Variants in UBXN7 observed in about 807,000 individuals in gnomAD.
The protein encoded by UBXN7 is UBX domain protein 7.
A neutral mutation model predicts 58.0 loss-of-function variants in UBXN7; 9 were observed. That is an observed-to-expected ratio of 0.16 (90% confidence interval 0.09 to 0.27). UBXN7 has a LOEUF of 0.27. UBXN7 is among the 10% of genes least tolerant of loss of function. UBXN7 has a pLI of 1.00. For missense variants in UBXN7, 328 were observed against 599.6 expected, an observed-to-expected ratio of 0.55 and a Z score of 4.73; for synonymous variants, 208 against 205.0, an observed-to-expected ratio of 1.01 and a Z score of -0.12.
intron 1 of UBXN7, among the ~76,000 whole-genome samples, chr3:196,419,075 G>A (rs1730593574): frequency 6.6e-6 from 1 of 152,120 alleles, no homozygotes; most frequent in Non-Finnish European, 1.5e-5. Context: ...AGACCAGCCT[G>A]GCCCACATGG....
intron 5 of UBXN7, among the ~76,000 whole-genome samples, chr3:196,385,817 G>C (rs12064103): frequency 1.4e-5 from 2 of 145,976 alleles, no homozygotes; most frequent in Admixed American, 6.8e-5. Context: ...GCCTCTGCCC[G>C]GCCGCCCCGT....
At chr3:196,398,534 C>T (rs1729849409) in intron 3 of UBXN7, among the ~76,000 whole-genome samples, 1 of 152,212 alleles carries the variant, frequency 6.6e-6, no homozygotes, top group African/African-American at 2.4e-5. Context: ...CATGTCACCA[C>T]TGATCTTATC....
intron 1 of UBXN7, among the ~76,000 whole-genome samples, chr3:196,427,744 AGAG>A (rs1240606310): frequency 1.3e-5 from 2 of 152,252 alleles, no homozygotes; most frequent in African/African-American, 2.4e-5. Context: ...GATAAATATC[AGAG>A]GAGATCAAAC....
Position 196,355,470 on chromosome 3 carries a change from C to T in UBXN7, c.*1215G>A, listed in dbSNP as rs1388683447. ...AAGACATCTGAAAATTACTAGTAAC[C>T]TCCGCCATCCTCCTTACTAAATGTT... is the stretch of plus-strand genomic sequence containing the variant. On this transcript the variant is annotated 3_prime_UTR_variant, in exon 11 of 11. Coordinates refer to ENST00000296328, the MANE Select transcript of UBXN7 (RefSeq NM_015562.2). 1 of 152,122 alleles carries T rather than the reference C, an allele frequency of 6.6e-6. No homozygotes were observed. Among genetic ancestry groups the T allele is most frequent in the Non-Finnish European group, 1.5e-5 (1 of 68,022 alleles). The allele number at this position is 152,122 out of a possible 1,614,324, so 9.4% of individuals were successfully genotyped here. A position where few individuals can be genotyped will look rare whatever the true frequency, so the allele number is the denominator to read the frequency against.
chr3:196,425,382 TAAAA>T (rs555731749), intron 1 of UBXN7, among the ~76,000 whole-genome samples: 2 of 141,112 alleles, frequency 1.4e-5, no homozygotes, highest in Non-Finnish European at 1.6e-5. Flanking sequence ...ACTCTTTCTT[TAAAA>T]AAAAAAAAAA....
At chr3:196,378,643 G>C (rs1286603154) in intron 5 of UBXN7, among the ~76,000 whole-genome samples, 1 of 152,192 alleles carries the variant, frequency 6.6e-6, no homozygotes, top group Non-Finnish European at 1.5e-5. Flanking sequence ...AGACGATACA[G>C]GGCAACTTCC....
chr3:196,369,813 A>G (rs551581379), intron 6 of UBXN7, among the ~76,000 whole-genome samples: 1 of 152,222 alleles, frequency 6.6e-6, no homozygotes, highest in South Asian at 2.1e-4. Context: ...ACTCTCAACC[A>G]TATACATCTT....
intron 5 of UBXN7, among the ~76,000 whole-genome samples, chr3:196,378,066 ACT>A (rs1185856532): frequency 1.3e-5 from 2 of 152,032 alleles, no homozygotes; most frequent in African/African-American, 2.4e-5. Flanking sequence ...TATTATATTC[ACT>A]GTTATTATAT....
chr3:196,389,883 AT>A (rs959170819), intron 5 of UBXN7, among the ~76,000 whole-genome samples: 50 of 152,350 alleles, frequency 3.3e-4, no homozygotes, highest in East Asian at 2.5e-3. Flanking sequence ...TTAAAAAAAA[AT>A]AATCATAACA....
intron 3 of UBXN7, among the ~76,000 whole-genome samples, chr3:196,395,304 T>C (rs1331796957): frequency 2.0e-5 from 3 of 152,128 alleles, no homozygotes; most frequent in African/African-American, 7.2e-5. Flanking sequence ...AACAAAAAAA[T>C]GCACAACATA....
At chr3:196,392,356 A>G (rs1362875496) in intron 4 of UBXN7, among the ~76,000 whole-genome samples, 1 of 151,526 alleles carries the variant, frequency 6.6e-6, no homozygotes, top group African/African-American at 2.4e-5. Flanking sequence ...ACAAAAAAAA[A>G]AAGCCGGGCA....
intron 5 of UBXN7, among the ~76,000 whole-genome samples, chr3:196,375,456 AG>A (rs537146187): frequency 4.5e-4 from 69 of 152,300 alleles, no homozygotes; most frequent in Non-Finnish European, 8.5e-4. Flanking sequence ...ATCTCTAAAA[AG>A]ATTTAAAATA....
intron 5 of UBXN7, among the ~76,000 whole-genome samples, chr3:196,382,616 A>G (rs1729241088): frequency 6.6e-6 from 1 of 152,238 alleles, no homozygotes; most frequent in African/African-American, 2.4e-5. Flanking sequence ...TCATAATGAC[A>G]GGATCAAATT....
chr3:196,420,362 T>C (rs1192915904), intron 1 of UBXN7, among the ~76,000 whole-genome samples: 3 of 151,934 alleles, frequency 2.0e-5, no homozygotes, highest in African/African-American at 7.3e-5. Flanking sequence ...ACCCCGTCTC[T>C]ACTGTAAGTA....
chr3:196,398,326 C>T (rs2108849498), intron 3 of UBXN7, among the ~76,000 whole-genome samples: 1 of 152,248 alleles, frequency 6.6e-6, no homozygotes, highest in Non-Finnish European at 1.5e-5. Context: ...TTTTTTCAGG[C>T]AGTTTAATTT....
intron 1 of UBXN7, among the ~76,000 whole-genome samples, chr3:196,413,457 C>T (rs113636260): frequency 8.1e-4 from 123 of 152,188 alleles, no homozygotes; most frequent in African/African-American, 2.9e-3. Flanking sequence ...TTGGGGTCTG[C>T]CTTTTATCTA....
At chr3:196,401,823 G>GAGAGAAGAGAAGAGAAAAGAGAAGAGA in intron 3 of UBXN7, among the ~76,000 whole-genome samples, 1 of 120,346 alleles carries the variant, frequency 8.3e-6, no homozygotes, top group East Asian at 2.7e-4. Flanking sequence ...GAAAAGAGAA[G>GAGAGAAGAGAAGAGAAAAGAGAAGAGA]AGAGAAGAGA....
At chr3:196,379,541 T>C (rs1729135801) in intron 5 of UBXN7, among the ~76,000 whole-genome samples, 1 of 152,182 alleles carries the variant, frequency 6.6e-6, no homozygotes. Flanking sequence ...GGGAAAAAGA[T>C]TCAACTTCCG....
At chr3:196,424,956 C>G (rs1266520387) in intron 1 of UBXN7, among the ~76,000 whole-genome samples, 1 of 152,104 alleles carries the variant, frequency 6.6e-6, no homozygotes, top group Non-Finnish European at 1.5e-5. Context: ...CTCGCCTCGG[C>G]CTCCCAAAGT....
Sources: gnomAD v4.1 joint callset for allele counts (sites outside exome capture counted in the v4.1 genomes callset) on GRCh38, gnomAD v4.1.1 for gene constraint, MANE v1.5 for transcripts, NCBI Gene and HGNC (gene_info 2026-07-23, HGNC 2026-07-21) for gene names.